The following SASH1 variants were observed in gnomAD, a reference collection of about 807,000 sequenced individuals.
The protein encoded by SASH1 is SAM and SH3 domain containing 1.
A neutral mutation model predicts 125.2 loss-of-function variants in SASH1; 44 were observed. The ratio of observed to expected loss-of-function variants is 0.35; its 90% CI spans 0.28 to 0.45. The LOEUF is 0.45. SASH1 is among the 20% of genes least tolerant of loss of function. The pLI, the probability that SASH1 is intolerant of heterozygous loss-of-function variation, is 1.00. For synonymous variants in SASH1, 639 were observed against 649.1 expected (o/e 0.98, Z 0.24); for missense variants, 1,426 against 1,614.5 (o/e 0.88, Z 2.00).
intron 2 of SASH1, among the ~76,000 whole-genome samples, chr6:148,406,972 G>T (rs922158389): frequency 6.6e-6 from 1 of 152,252 alleles, no homozygotes; most frequent in African/African-American, 2.4e-5. Flanking sequence ...GTCTAGGAAA[G>T]CCTAGTCCAT....
the SASH1 span, among the ~76,000 whole-genome samples, chr6:148,215,885 C>G: frequency 6.6e-6 from 1 of 151,944 alleles, no homozygotes; most frequent in Non-Finnish European, 1.5e-5. Context: ...TGAGAAAGAG[C>G]CTTGCCCTGT....
chr6:148,369,024 T>C (rs967919135), intron 1 of SASH1, among the ~76,000 whole-genome samples: 31 of 152,332 alleles, frequency 2.0e-4, no homozygotes, highest in African/African-American at 7.0e-4. Flanking sequence ...ATGCCTGCCT[T>C]GTGCAACATT....
At chr6:148,448,938 C>CT (rs1398121552) in intron 4 of SASH1, among the ~76,000 whole-genome samples, 1 of 152,084 alleles carries the variant, frequency 6.6e-6, no homozygotes, top group African/African-American at 2.4e-5. Flanking sequence ...TGCTGTCCTG[C>CT]TTTTTTTCCT....
At chr6:148,231,714 G>C in the SASH1 span, among the ~76,000 whole-genome samples, 17 of 152,036 alleles carry the variant, frequency 1.1e-4, no homozygotes, top group African/African-American at 3.9e-4. Flanking sequence ...CATAAGCTCA[G>C]TATAAGGACG....
intron 1 of SASH1, among the ~76,000 whole-genome samples, chr6:148,379,380 G>A (rs1411244391): frequency 6.6e-6 from 1 of 152,052 alleles, no homozygotes; most frequent in Non-Finnish European, 1.5e-5. Flanking sequence ...CCTTCCCTCA[G>A]ATCTTCGTTT....
At chr6:148,546,454 A>G (rs908942197) in intron 19 of SASH1, among the ~76,000 whole-genome samples, 5 of 152,328 alleles carry the variant, frequency 3.3e-5, no homozygotes, top group Non-Finnish European at 7.4e-5. Context: ...GGATTGCTTG[A>G]GCCCAGAATT....
chr6:148,434,877 A>C (rs1433751970), intron 2 of SASH1, among the ~76,000 whole-genome samples: 4 of 152,088 alleles, frequency 2.6e-5, no homozygotes, highest in African/African-American at 9.7e-5. Context: ...TGCTTTTTCC[A>C]AGCAAAGTTT....
chr6:148,510,487 A>C (rs1403967118), intron 8 of SASH1, among the ~76,000 whole-genome samples: 1 of 152,216 alleles, frequency 6.6e-6, no homozygotes, highest in East Asian at 1.9e-4. Context: ...ACTTTAGTTT[A>C]AAACCTGTTC....
At chr6:148,513,663 A>G in intron 8 of SASH1, 1 of 985,724 alleles carries the variant, frequency 1.0e-6, no homozygotes, top group African/African-American at 1.7e-5. Flanking sequence ...ACTGTACTGT[A>G]TGGCTGAAAG....
the SASH1 span, among the ~76,000 whole-genome samples, chr6:148,199,386 A>C: frequency 2.0e-5 from 3 of 149,872 alleles, no homozygotes; most frequent in Admixed American, 6.6e-5. Context: ...AAAAAAAAAA[A>C]AAAAACTGAG....
At chr6:148,254,777 C>A in the SASH1 span, among the ~76,000 whole-genome samples, 1 of 152,104 alleles carries the variant, frequency 6.6e-6, no homozygotes, top group Non-Finnish European at 1.5e-5. Context: ...AATGGTGCAG[C>A]CATTTCAGGA....
Position 148,411,875 on chromosome 6 carries a change from C to T in SASH1, c.285+21613C>T, listed in dbSNP as rs776858709. Among the ~76,000 whole-genome samples the T allele has an allele frequency of 7.2e-5, 11 of 152,162 alleles. 1 individual carries two copies. Among genetic ancestry groups the T allele is most frequent in the South Asian group, 4.1e-4 (2 of 4,828 alleles). ...ATGAAATTAATATGAATCATAAAAT[C>T]CCCCTTGAAATTCTCAGTTGTTTGA... On this transcript the variant is annotated intron_variant, in intron 2 of 19. Transcript: ENST00000367467.
At chr6:148,422,231 C>T (rs1785133425) in intron 2 of SASH1, among the ~76,000 whole-genome samples, 1 of 152,202 alleles carries the variant, frequency 6.6e-6, no homozygotes, top group African/African-American at 2.4e-5. Flanking sequence ...TCTGCCTGAG[C>T]TGCCAGAACC....
the SASH1 span, among the ~76,000 whole-genome samples, chr6:148,216,039 A>G: frequency 1.3e-5 from 2 of 151,918 alleles, no homozygotes; most frequent in Non-Finnish European, 2.9e-5. Flanking sequence ...TGTATTTTTT[A>G]GTAGAGATGA....
intron 1 of SASH1, among the ~76,000 whole-genome samples, chr6:148,307,036 CT>C (rs1780149741): frequency 1.4e-5 from 1 of 70,384 alleles, no homozygotes; most frequent in Non-Finnish European, 2.8e-5. Context: ...TTCTTTCTTT[CT>C]TTCTTTCTTT....
Position 148,425,588 on chromosome 6 carries a change from A to G in SASH1, c.286-14596A>G, listed in dbSNP as rs192173575. On this transcript the variant is annotated intron_variant, in intron 2 of 19. Transcript: ENST00000367467. ...AATTATTTTCAAAGAAGTAAGCTCAACATTCTTGAAAAAATTGGAAAATAT... is the reference window on the plus strand; with the variant it reads ...AATTATTTTCAAAGAAGTAAGCTCAGCATTCTTGAAAAAATTGGAAAATAT... Among the ~76,000 whole-genome samples, 215 of 152,266 alleles carry G rather than the reference A, an allele frequency of 1.4e-3. 3 individuals carry two copies. The highest frequency in any genetic ancestry group is 0.012 in the Admixed American group (182 of 15,296).
At chr6:148,413,809 C>T (rs1333889077) in intron 2 of SASH1, among the ~76,000 whole-genome samples, 1 of 152,098 alleles carries the variant, frequency 6.6e-6, no homozygotes, top group Admixed American at 6.6e-5. Context: ...CGGGCCTCTC[C>T]TTCTGCTCCC....
intron 2 of SASH1, among the ~76,000 whole-genome samples, chr6:148,419,550 G>A (rs1459859670): frequency 6.6e-6 from 1 of 152,154 alleles, no homozygotes; most frequent in East Asian, 1.9e-4. Context: ...CTTTTTAGAT[G>A]ACCATGTAGT....
At chr6:148,244,904 A>G in the SASH1 span, among the ~76,000 whole-genome samples, 33 of 119,098 alleles carry the variant, frequency 2.8e-4, no homozygotes, top group South Asian at 3.2e-3. Context: ...GGCCTGGGGC[A>G]TGTGTGTGTG....
Sources: allele counts gnomAD v4.1 joint callset (sites outside exome capture counted in the v4.1 genomes callset), GRCh38; gene constraint gnomAD v4.1.1; transcripts MANE v1.5; gene names NCBI Gene and HGNC (gene_info 2026-07-23, HGNC 2026-07-21).